The following PSTPIP2 variants were observed in gnomAD, a reference collection of about 807,000 sequenced individuals.
PSTPIP2 encodes proline-serine-threonine phosphatase-interacting protein 2.
A neutral mutation model predicts 63.3 loss-of-function variants in PSTPIP2; 33 were observed. That is an observed-to-expected ratio of 0.52 (90% confidence interval 0.40 to 0.70). PSTPIP2 has a LOEUF of 0.70. Among genes scored for constraint, PSTPIP2 ranks in the 30% least tolerant of loss-of-function variants. PSTPIP2 has a pLI of 0.00. For missense variants in PSTPIP2, 312 were observed against 400.7 expected, an observed-to-expected ratio of 0.78 and a Z score of 1.89; for synonymous variants, 125 against 132.7, an observed-to-expected ratio of 0.94 and a Z score of 0.40.
chr18:46,037,577 G>A (rs771891077), intron 2 of PSTPIP2, among the ~76,000 whole-genome samples: 2 of 152,120 alleles, frequency 1.3e-5, no homozygotes, highest in African/African-American at 2.4e-5. Flanking sequence ...GCACCCACCC[G>A]AACAAGAGGA....
intron 4 of PSTPIP2, among the ~76,000 whole-genome samples, chr18:46,013,718 C>G (rs543733583): frequency 6.6e-6 from 1 of 152,156 alleles, no homozygotes; most frequent in South Asian, 2.1e-4. Flanking sequence ...CCTCCAGACT[C>G]ATATCAATAA....
At chr18:46,041,439 G>A (rs759736196) in intron 1 of PSTPIP2, among the ~76,000 whole-genome samples, 2 of 152,044 alleles carry the variant, frequency 1.3e-5, no homozygotes, top group Non-Finnish European at 2.9e-5. Flanking sequence ...TAAAGGTGAG[G>A]GTCTCGCCAT....
At chr18:46,040,412 A>G in intron 1 of PSTPIP2, 1 of 176,874 alleles carries the variant, frequency 5.7e-6, no homozygotes, top group South Asian at 1.2e-4. Context: ...TTTTTCAGAA[A>G]CCAGGACTCT....
chr18:46,009,431 T>C (rs981581482), intron 5 of PSTPIP2, among the ~76,000 whole-genome samples: 6 of 150,096 alleles, frequency 4.0e-5, no homozygotes, highest in African/African-American at 1.5e-4. Context: ...AGAGTTCATT[T>C]TGACACAAGT....
intron 6 of PSTPIP2, among the ~76,000 whole-genome samples, chr18:46,001,280 A>G (rs901137576): frequency 2.0e-5 from 3 of 152,226 alleles, no homozygotes; most frequent in African/African-American, 4.8e-5. Flanking sequence ...TTTTGATAAC[A>G]GCCATCCTAA....
At position 46,052,569 on chromosome 18, in the gene PSTPIP2, A is replaced by T. The variant is rs967243269; in HGVS notation, c.34-12522T>A. On this transcript the variant is annotated intron_variant, in intron 1 of 14. Coordinates refer to ENST00000409746, the MANE Select transcript of PSTPIP2 (RefSeq NM_024430.4). ...ATAGAAAATGTTTAATGTTAATTTA[A>T]AAAAAAAAACTTTTTCTAAGGTAAA... 8.1e-5 allele frequency among the ~76,000 whole-genome samples: 6 copies of T among 73,756 alleles called. No individual in the cohort carries two copies. In the East Asian group the frequency reaches 3.5e-3, roughly 43 times the overall value. 48.4% of individuals were successfully genotyped at this position (73,756 alleles called of 152,430 possible).
At chr18:46,001,677 C>G (rs182447294) in intron 6 of PSTPIP2, among the ~76,000 whole-genome samples, 1 of 152,166 alleles carries the variant, frequency 6.6e-6, no homozygotes, top group African/African-American at 2.4e-5. Context: ...AACATCTCAA[C>G]TTCTTCTTTC....
chr18:46,042,399 G>A (rs1226246843), intron 1 of PSTPIP2, among the ~76,000 whole-genome samples: 1 of 151,956 alleles, frequency 6.6e-6, no homozygotes, highest in Non-Finnish European at 1.5e-5. Flanking sequence ...AGGTTTTCCC[G>A]AAGTCTTCTC....
intron 2 of PSTPIP2, among the ~76,000 whole-genome samples, chr18:46,027,344 A>AT (rs1907615608): frequency 2.0e-5 from 3 of 150,470 alleles, no homozygotes; most frequent in African/African-American, 7.3e-5. Context: ...AAATAAATAA[A>AT]AATATTAAAA....
At chr18:46,029,367 T>A (rs1488736112) in intron 2 of PSTPIP2, 7 of 1,558,832 alleles carry the variant, frequency 4.5e-6, no homozygotes, top group Non-Finnish European at 6.2e-6. Context: ...GGTTGCAGCA[T>A]CCACGTTCTC....
chr18:45,995,589 G>A lies in PSTPIP2; in HGVS notation c.643-1886C>T, dbSNP rs374219077. 7.2e-5 allele frequency among the ~76,000 whole-genome samples: 11 copies of A among 152,304 alleles called. No individual in the cohort carries two copies. In the East Asian group the frequency reaches 1.7e-3, roughly 24 times the overall value. On this transcript the variant is annotated intron_variant, in intron 9 of 14. Coordinates refer to ENST00000409746, the MANE Select transcript of PSTPIP2 (RefSeq NM_024430.4). ...AACCTACAGTATCAGATGGCAAAGA[G>A]AGATCAAATAAGATTAGAAACTGCA... is the stretch of plus-strand genomic sequence containing the variant.
chr18:45,997,876 G>T (rs943438514), intron 8 of PSTPIP2, 48 bp from the exon 9 acceptor site: 2 of 1,537,940 alleles, frequency 1.3e-6, no homozygotes, highest in Admixed American at 3.4e-5. Flanking sequence ...CAGGAAGGTG[G>T]CTCGCAGATA....
rs970630643 is a variant in PSTPIP2 at position 45,997,744 on chromosome 18, G to C, written c.642+5C>G. 1 of 1,513,824 alleles carries C rather than the reference G, an allele frequency of 6.6e-7. No homozygotes were observed. Among genetic ancestry groups the C allele is most frequent in the Non-Finnish European group, 8.9e-7 (1 of 1,126,454 alleles). 93.8% of individuals were successfully genotyped at this position (1,513,824 alleles called of 1,614,324 possible). A position where few individuals can be genotyped will look rare whatever the true frequency, so the allele number is the denominator to read the frequency against. On this transcript the variant is annotated splice_donor_5th_base_variant and intron_variant, in intron 9 of 14. Transcript: ENST00000409746. ...CAGTCCTGAGCAGCTTCCGGTTACGGGTACCTCGCAGGCCTTGATGTGCTC... is the reference window on the plus strand; with the variant it reads ...CAGTCCTGAGCAGCTTCCGGTTACGCGTACCTCGCAGGCCTTGATGTGCTC...
At chr18:46,011,015 G>A (rs1026014064) in intron 5 of PSTPIP2, 166 bp downstream of exon 5, 1 of 614,552 alleles carries the variant, frequency 1.6e-6, no homozygotes, top group South Asian at 2.0e-5. Context: ...GTGTAGAAAT[G>A]CATATACCCA....
chr18:46,060,840 C>T (rs1260136924), intron 1 of PSTPIP2, among the ~76,000 whole-genome samples: 1 of 152,188 alleles, frequency 6.6e-6, no homozygotes, highest in African/African-American at 2.4e-5. Context: ...TTAGTTTCTG[C>T]AGGGAAGGGC....
chr18:46,054,817 C>T (rs866464921), intron 1 of PSTPIP2, among the ~76,000 whole-genome samples: 29 of 151,846 alleles, frequency 1.9e-4, no homozygotes, highest in East Asian at 5.8e-4. Flanking sequence ...CGTGCCACCA[C>T]GCCCAGCTAA....
intron 9 of PSTPIP2, among the ~76,000 whole-genome samples, chr18:45,994,441 G>C (rs555169002): frequency 6.6e-6 from 1 of 152,280 alleles, no homozygotes; most frequent in African/African-American, 2.4e-5. Flanking sequence ...ATAGCTATAA[G>C]TGGTTCTCAT....
intron 2 of PSTPIP2, among the ~76,000 whole-genome samples, chr18:46,036,346 G>C (rs34243071): frequency 6.6e-6 from 1 of 152,014 alleles, no homozygotes; most frequent in African/African-American, 2.4e-5. Flanking sequence ...AAGAAACTGA[G>C]GTTCAGAGAG....
chr18:46,016,605 C>A (rs77117440), intron 3 of PSTPIP2, among the ~76,000 whole-genome samples: 5 of 152,130 alleles, frequency 3.3e-5, no homozygotes, highest in Admixed American at 3.3e-4. Flanking sequence ...TTAAACAAAT[C>A]GTATCCATTT....
Sources: allele counts gnomAD v4.1 joint callset (sites outside exome capture counted in the v4.1 genomes callset), GRCh38; gene constraint gnomAD v4.1.1; transcripts MANE v1.5; gene names NCBI Gene and HGNC (gene_info 2026-07-23, HGNC 2026-07-21).